LRRC4C: variants seen among roughly 807,000 people sequenced by gnomAD.
LRRC4C encodes leucine-rich repeat-containing protein 4C.
LRRC4C carries 5 observed loss-of-function variants against 33.6 expected under a neutral mutation model. The ratio of observed to expected loss-of-function variants is 0.15; its 90% confidence interval spans 0.08 to 0.31. The LOEUF (loss-of-function observed/expected upper bound fraction) is 0.31, where lower values mean the gene tolerates loss of function less well. LRRC4C is among the 10% of genes least tolerant of loss of function. The pLI is 1.00. For missense variants in LRRC4C, 560 were observed against 796.7 expected (o/e 0.70, Z 3.58); for synonymous variants, 329 against 302.0 (o/e 1.09, Z -0.93).
rs181394384 is a variant in LRRC4C, at chr11:41,225,137, G to A, written c.-496+234294C>T. Reference sequence around the variant, plus strand: ...ATGGTTACCAGAGGTTGGGGAGGCCGGGTAGGAGGAAGATGTACGGGGGTA... The same window carrying A: ...ATGGTTACCAGAGGTTGGGGAGGCCAGGTAGGAGGAAGATGTACGGGGGTA... On this transcript the variant is annotated intron_variant, in intron 1 of 6. Transcript: ENST00000528697. Among the ~76,000 whole-genome samples the A allele has an allele frequency of 1.4e-4, 22 of 152,136 alleles. No homozygotes were observed. In the Middle Eastern group the frequency reaches 0.014, roughly 94 times the overall value.
chr11:40,973,962 T>C (rs1432730263), intron 1 of LRRC4C, among the ~76,000 whole-genome samples: 1 of 152,152 alleles, frequency 6.6e-6, no homozygotes, highest in African/African-American at 2.4e-5. Flanking sequence ...AGTCACTACC[T>C]GGAGGGCTCC....
intron 1 of LRRC4C, among the ~76,000 whole-genome samples, chr11:41,087,450 G>A (rs1334722141): frequency 1.3e-5 from 2 of 152,074 alleles, no homozygotes; most frequent in Non-Finnish European, 2.9e-5. Flanking sequence ...ATATCTTGTA[G>A]TTCTCCTTCA....
In LRRC4C at chr11:41,400,952, C is replaced by CT. The variant is rs143167952; in HGVS notation, c.-496+58478dup. On this transcript the variant is annotated intron_variant, in intron 1 of 6. Transcript: ENST00000528697. ...ACACAGCAGAGGGATGAAAATGCAA[C>CT]TTTTTTTTTATGCTGACACTGTCAC... 7.3e-5 allele frequency among the ~76,000 whole-genome samples: 11 copies of CT among 151,272 alleles called. No homozygotes were observed. In the South Asian group the frequency reaches 8.4e-4, roughly 11 times the overall value.
intron 2 of LRRC4C, among the ~76,000 whole-genome samples, chr11:40,717,269 G>A (rs1441999375): frequency 7.3e-6 from 1 of 136,312 alleles, no homozygotes; most frequent in Non-Finnish European, 1.6e-5. Context: ...TCAAATGTAT[G>A]TGTATTTTTT....
At chr11:40,298,301 T>A (rs1944609897) in intron 4 of LRRC4C, among the ~76,000 whole-genome samples, 1 of 151,948 alleles carries the variant, frequency 6.6e-6, no homozygotes, top group Non-Finnish European at 1.5e-5. Flanking sequence ...AATCATTTAT[T>A]ATTTCTCATG....
intron 1 of LRRC4C, among the ~76,000 whole-genome samples, chr11:41,225,889 G>A (rs1325667296): frequency 6.6e-6 from 1 of 152,052 alleles, no homozygotes; most frequent in African/African-American, 2.4e-5. Flanking sequence ...GAATTGTGGT[G>A]GAAGTCAAAC....
At chr11:40,876,966 A>C (rs963420560) in intron 2 of LRRC4C, among the ~76,000 whole-genome samples, 1 of 151,612 alleles carries the variant, frequency 6.6e-6, no homozygotes, top group East Asian at 1.9e-4. Context: ...CTGGCCAGTG[A>C]TCTACCTTTA....
intron 1 of LRRC4C, among the ~76,000 whole-genome samples, chr11:41,266,207 C>A (rs926214987): frequency 1.3e-5 from 2 of 152,046 alleles, no homozygotes; most frequent in African/African-American, 2.4e-5. Context: ...GAAATTTGAT[C>A]AAATAAGATA....
chr11:40,456,520 C>G (rs1952138461), intron 3 of LRRC4C, among the ~76,000 whole-genome samples: 1 of 151,600 alleles, frequency 6.6e-6, no homozygotes, highest in African/African-American at 2.4e-5. Flanking sequence ...TGGAAGAACT[C>G]AATTTAGAAG....
intron 1 of LRRC4C, among the ~76,000 whole-genome samples, chr11:41,118,967 TTTTA>T: frequency 6.6e-6 from 1 of 152,270 alleles, no homozygotes; most frequent in South Asian, 2.1e-4. Context: ...GCTTATTTCT[TTTTA>T]TTTGTTAAAT....
chr11:40,603,201 A>G (rs1393817797), intron 3 of LRRC4C, among the ~76,000 whole-genome samples: 1 of 152,178 alleles, frequency 6.6e-6, no homozygotes, highest in African/African-American at 2.4e-5. Flanking sequence ...ACATCAAACC[A>G]CTGAGGCATA....
intron 1 of LRRC4C, among the ~76,000 whole-genome samples, chr11:41,236,234 G>A (rs1948017036): frequency 6.6e-6 from 1 of 152,088 alleles, no homozygotes; most frequent in Non-Finnish European, 1.5e-5. Context: ...GAATGTCAGA[G>A]CAAAAAGAAA....
At chr11:40,800,341 C>G (rs2135271132) in intron 2 of LRRC4C, among the ~76,000 whole-genome samples, 1 of 152,268 alleles carries the variant, frequency 6.6e-6, no homozygotes, top group African/African-American at 2.4e-5. Context: ...GAGGACAATG[C>G]TTATCCATGA....
At chr11:40,789,620 T>C (rs972165942) in intron 2 of LRRC4C, among the ~76,000 whole-genome samples, 1 of 152,180 alleles carries the variant, frequency 6.6e-6, no homozygotes, top group Non-Finnish European at 1.5e-5. Context: ...TGTCAGCTCA[T>C]GTTTCAACTC....
intron 1 of LRRC4C, among the ~76,000 whole-genome samples, chr11:41,370,198 T>G (rs1187104472): frequency 1.3e-5 from 2 of 152,254 alleles, no homozygotes; most frequent in East Asian, 1.9e-4. Context: ...TTTTATTTTT[T>G]GGGATAGGGT....
At chr11:40,325,637 A>G (rs1946061412) in intron 3 of LRRC4C, among the ~76,000 whole-genome samples, 1 of 152,106 alleles carries the variant, frequency 6.6e-6, no homozygotes, top group Non-Finnish European at 1.5e-5. Flanking sequence ...CAAAAGAAAA[A>G]AAAAAAAGAA....
intron 1 of LRRC4C, among the ~76,000 whole-genome samples, chr11:41,357,017 G>C (rs1348298984): frequency 6.6e-6 from 1 of 151,990 alleles, no homozygotes; most frequent in Admixed American, 6.6e-5. Flanking sequence ...CTGAATTCAA[G>C]TGATTTGTTT....
rs1342752634 is a variant in LRRC4C, at chr11:40,425,122, GT to G, written c.-269-105402del. Among the ~76,000 whole-genome samples, 846 of 122,194 alleles carry G rather than the reference GT, an allele frequency of 6.9e-3. 8 individuals carry two copies. Among genetic ancestry groups the G allele is most frequent in the African/African-American group, 0.024 (809 of 33,894 alleles). The allele number at this position is 122,194 out of a possible 152,430, so 80.2% of individuals were successfully genotyped here. A position where few individuals can be genotyped will look rare whatever the true frequency, so the allele number is the denominator to read the frequency against. On this transcript the variant is annotated intron_variant, in intron 3 of 6. Coordinates refer to ENST00000528697, the MANE Select transcript of LRRC4C (RefSeq NM_001258419.2). ...AGAAGAGAAATGAAGTCTCATCTTT[GT>G]GGGGAAAAAAAAAAAGAACCCTTAT...
rs563077615 is a variant in LRRC4C, at chr11:40,655,216, T to C, written c.-406-6938A>G. Among the ~76,000 whole-genome samples the C allele has an allele frequency of 2.6e-5, 4 of 152,326 alleles. No homozygotes were observed. In the South Asian group the frequency reaches 8.3e-4, roughly 32 times the overall value. On this transcript the variant is annotated intron_variant, in intron 2 of 6. Transcript: ENST00000528697. ...ATTCATTTTCACATCTACTTTAATA[T>C]AATTTTGCATGTGTATTAATCTCAT...
Sources: gnomAD v4.1 joint callset for allele counts (sites outside exome capture counted in the v4.1 genomes callset) on GRCh38, gnomAD v4.1.1 for gene constraint, MANE v1.5 for transcripts, NCBI Gene and HGNC (gene_info 2026-07-23, HGNC 2026-07-21) for gene names.